The following SLC39A11 variants were observed in gnomAD, a reference collection of about 807,000 sequenced individuals.
SLC39A11 encodes the protein solute carrier family 39 member 11, also known as zinc transporter ZIP11.
In SLC39A11, 33 loss-of-function variants were observed where a neutral mutation model predicts 36.1. That is an observed-to-expected ratio of 0.91 (90% confidence interval 0.69 to 1.22). The LOEUF is 1.22. Ranked by LOEUF, SLC39A11 falls within the 50% of genes most tolerant of loss-of-function variation. The pLI is 0.00. For missense variants in SLC39A11, 432 were observed against 430.3 expected (o/e 1.00, Z -0.03); for synonymous variants, 166 against 170.3 (o/e 0.97, Z 0.20).
At chr17:72,659,178 C>G (rs1240778278) in intron 7 of SLC39A11, among the ~76,000 whole-genome samples, 1 of 152,200 alleles carries the variant, frequency 6.6e-6, no homozygotes, top group Non-Finnish European at 1.5e-5. Flanking sequence ...TGGAAGGTCC[C>G]TGTCTTCAAG....
chr17:72,870,329 T>A (rs199884807), intron 5 of SLC39A11, among the ~76,000 whole-genome samples: 4 of 52 alleles, frequency 0.077, no homozygotes, highest in African/African-American at 0.5. Context: ...GATTTAGGTA[T>A]GCTGTCCCAA....
intron 3 of SLC39A11, among the ~76,000 whole-genome samples, chr17:73,080,825 G>C (rs2060483686): frequency 1.3e-5 from 2 of 151,980 alleles, no homozygotes; most frequent in Non-Finnish European, 2.9e-5. Context: ...GGCGCCTGTA[G>C]TCCCAGCTAC....
intron 4 of SLC39A11, among the ~76,000 whole-genome samples, chr17:72,967,370 C>CAGAGAGAGAGAGAGAGAGAGAGAGAG (rs72044418): frequency 4.0e-4 from 44 of 110,020 alleles, no homozygotes; most frequent in Non-Finnish European, 6.8e-4. Context: ...TAAGCATGCT[C>CAGAGAGAGAGAGAGAGAGAGAGAGAG]AGAGAGAGAG....
chr17:72,892,046 C>G (rs1283033145), intron 5 of SLC39A11, among the ~76,000 whole-genome samples: 2 of 151,764 alleles, frequency 1.3e-5, no homozygotes, highest in Non-Finnish European at 2.9e-5. Flanking sequence ...TTTTTTTTCC[C>G]CAAGGATTGC....
intron 7 of SLC39A11, among the ~76,000 whole-genome samples, chr17:72,704,106 C>T (rs765449632): frequency 4.6e-5 from 7 of 152,312 alleles, no homozygotes; most frequent in East Asian, 1.9e-4. Flanking sequence ...CTAGCCTGGA[C>T]GACGGAGTGA....
At chr17:72,766,604 T>C (rs2075769987) in intron 6 of SLC39A11, among the ~76,000 whole-genome samples, 1 of 152,188 alleles carries the variant, frequency 6.6e-6, no homozygotes, top group Non-Finnish European at 1.5e-5. Flanking sequence ...CCTTTCTGCC[T>C]GAGTAGCTAA....
intron 6 of SLC39A11, among the ~76,000 whole-genome samples, chr17:72,755,738 G>A (rs2075348288): frequency 6.6e-6 from 1 of 152,346 alleles, no homozygotes; most frequent in Admixed American, 6.5e-5. Context: ...CGCCCTGTGG[G>A]ACTGGCCTCC....
At position 72,947,778 on chromosome 17, in the gene SLC39A11, G is replaced by C. The variant is rs1228940825; in HGVS notation, c.404C>G (p.Pro135Arg). Residue 135 changes from proline to arginine, a missense_variant, in exon 5 of 10, where the codon CCT (proline) becomes CGT (arginine). Transcript: ENST00000255559. ...TATCCGGATGGAAAGTTCACTCTCA[G>C]GGAAGAGCAGCGCGGGACCCTCAGG... ...SDPEGPALLF[P>R]ESELSIRIDK... 6.2e-7 allele frequency: 1 copy of C among 1,614,006 alleles called. No homozygotes were observed. The highest frequency in any genetic ancestry group is 1.3e-5 in the African/African-American group (1 of 74,914).
intron 6 of SLC39A11, among the ~76,000 whole-genome samples, chr17:72,799,947 G>A (rs530013630): frequency 6.6e-5 from 10 of 151,898 alleles, no homozygotes; most frequent in African/African-American, 1.4e-4. Flanking sequence ...AAAACTTGCC[G>A]GTCTGAGACT....
In SLC39A11 at chr17:73,004,190, A is replaced by AG. The variant is rs1179604681; in HGVS notation, c.306+27365dup. Among the ~76,000 whole-genome samples, 85 of 95,980 alleles carry AG rather than the reference A, an allele frequency of 8.9e-4. 1 individual carries two copies. The highest frequency in any genetic ancestry group is 3.5e-3 in the African/African-American group (80 of 22,674). The allele number at this position is 95,980 out of a possible 152,430, so 63.0% of individuals were successfully genotyped here. A position where few individuals can be genotyped will look rare whatever the true frequency, so the allele number is the denominator to read the frequency against. On this transcript the variant is annotated intron_variant, in intron 4 of 9. Transcript: ENST00000255559. Reference sequence around the variant, plus strand: ...AAGAAAGAAAGAAAGAAAGAAAGAAAGAAAGAAAGAAAGAAAGAAAGAAAG... The same window carrying AG: ...AAGAAAGAAAGAAAGAAAGAAAGAAAGGAAAGAAAGAAAGAAAGAAAGAAAG...
At chr17:73,039,728 G>A (rs1021433758) in intron 3 of SLC39A11, among the ~76,000 whole-genome samples, 15 of 152,116 alleles carry the variant, frequency 9.9e-5, no homozygotes, top group African/African-American at 2.7e-4. Flanking sequence ...CAGAATTTTC[G>A]AAGCTTCACA....
chr17:72,907,262 G>C (rs2082703465), intron 5 of SLC39A11, among the ~76,000 whole-genome samples: 1 of 152,166 alleles, frequency 6.6e-6, no homozygotes, highest in Non-Finnish European at 1.5e-5. Flanking sequence ...GGCCGAGGCG[G>C]GCGCATCATT....
At chr17:72,662,741 AAG>A (rs1219759955) in intron 7 of SLC39A11, among the ~76,000 whole-genome samples, 1 of 151,460 alleles carries the variant, frequency 6.6e-6, no homozygotes, top group Non-Finnish European at 1.5e-5. Flanking sequence ...AGAAAGAAAA[AAG>A]AAAAAAAGGA....
rs375194390 is a variant in SLC39A11 at position 73,023,224 on chromosome 17, C to T, written c.306+8332G>A. Among the ~76,000 whole-genome samples, 415 of 148,936 alleles carry T rather than the reference C, an allele frequency of 2.8e-3. 1 individual carries two copies. Among genetic ancestry groups the T allele is most frequent in the East Asian group, 0.018 (90 of 5,052 alleles). On this transcript the variant is annotated intron_variant, in intron 4 of 9. Transcript: ENST00000255559. The stretch of plus-strand genomic sequence containing the variant: ...ACTCTACCATCTTTCAATCACAGTG[C>T]CTAAAAAAAAAAAAAGATGTTACCC...
At chr17:72,682,654 CA>C (rs1041485844) in intron 7 of SLC39A11, among the ~76,000 whole-genome samples, 1 of 151,968 alleles carries the variant, frequency 6.6e-6, no homozygotes, top group Non-Finnish European at 1.5e-5. Flanking sequence ...CTGACCCCCA[CA>C]AAAAAAACTT....
chr17:73,020,258 T>C (rs1257319313), intron 4 of SLC39A11, among the ~76,000 whole-genome samples: 4 of 152,130 alleles, frequency 2.6e-5, no homozygotes, highest in Admixed American at 1.3e-4. Context: ...TGGAGGTAAT[T>C]AGGGTTACAT....
intron 5 of SLC39A11, among the ~76,000 whole-genome samples, chr17:72,925,710 T>C (rs879641176): frequency 1.3e-5 from 2 of 152,230 alleles, no homozygotes; most frequent in Admixed American, 1.3e-4. Flanking sequence ...AGAATGTGAA[T>C]GGATGTGAAC....
chr17:72,963,344 G>C (rs1271490926), intron 4 of SLC39A11, among the ~76,000 whole-genome samples: 6 of 151,358 alleles, frequency 4.0e-5, no homozygotes, highest in South Asian at 2.1e-4. Flanking sequence ...CTAATTTTTT[G>C]TATTTTTAGT....
At chr17:72,929,806 T>G (rs979689464) in intron 5 of SLC39A11, among the ~76,000 whole-genome samples, 2 of 152,148 alleles carry the variant, frequency 1.3e-5, no homozygotes, top group Non-Finnish European at 2.9e-5. Context: ...AGAAAAGAAC[T>G]GCCAATTGGT....
Sources: allele counts gnomAD v4.1 joint callset (sites outside exome capture counted in the v4.1 genomes callset), GRCh38; gene constraint gnomAD v4.1.1; transcripts MANE v1.5; gene names NCBI Gene and HGNC (gene_info 2026-07-23, HGNC 2026-07-21).